Variants in NDST3 observed in about 807,000 individuals in gnomAD.
NDST3 encodes the protein N-deacetylase and N-sulfotransferase 3, also known as bifunctional heparan sulfate N-deacetylase/N-sulfotransferase 3.
Under a neutral mutation model 96.1 loss-of-function variants are expected in NDST3, and 58 were observed. The ratio of observed to expected loss-of-function variants is 0.60; its 90% CI spans 0.49 to 0.75. The LOEUF (loss-of-function observed/expected upper bound fraction) is 0.75, where lower values mean the gene tolerates loss of function less well. Ranked by LOEUF, NDST3 falls within the 30% of genes least tolerant of loss-of-function variation. The pLI is 0.00. For synonymous variants in NDST3, 333 were observed against 359.7 expected (o/e 0.93, Z 0.84); for missense variants, 788 against 1,034.2 (o/e 0.76, Z 3.27).
At chr4:118,149,872 G>A (rs1280658341) in intron 6 of NDST3, among the ~76,000 whole-genome samples, 1 of 152,064 alleles carries the variant, frequency 6.6e-6, no homozygotes, top group Non-Finnish European at 1.5e-5. Context: ...TGCCCATTCA[G>A]TATGATATTG....
chr4:118,165,528 A>G (rs1043697185), intron 6 of NDST3, among the ~76,000 whole-genome samples: 2 of 152,032 alleles, frequency 1.3e-5, no homozygotes, highest in African/African-American at 2.4e-5. Flanking sequence ...CCAAAAATCA[A>G]TAAGAAAACA....
intron 6 of NDST3, among the ~76,000 whole-genome samples, chr4:118,161,123 G>C (rs943350772): frequency 6.6e-6 from 1 of 152,218 alleles, no homozygotes; most frequent in Admixed American, 6.5e-5. Flanking sequence ...GTTGGAGTTT[G>C]CTAGAGGTCC....
chr4:118,171,523 C>T (rs1398991174), intron 6 of NDST3, among the ~76,000 whole-genome samples: 1 of 152,040 alleles, frequency 6.6e-6, no homozygotes, highest in Non-Finnish European at 1.5e-5. Context: ...TGTCTGGTTG[C>T]TTAGGCTAAT....
At chr4:118,229,491 C>A (rs868471785) in intron 8 of NDST3, among the ~76,000 whole-genome samples, 11 of 151,936 alleles carry the variant, frequency 7.2e-5, no homozygotes, top group Admixed American at 2.6e-4. Flanking sequence ...TTATTCAGAC[C>A]CAAGAATATG....
intron 6 of NDST3, among the ~76,000 whole-genome samples, chr4:118,223,993 T>C (rs184758056): frequency 1.3e-5 from 2 of 152,270 alleles, no homozygotes; most frequent in African/African-American, 4.8e-5. Flanking sequence ...CAAATTTATT[T>C]TATTATAAAA....
chr4:118,054,320 T>G lies in NDST3; in HGVS notation c.410T>G (p.Leu137Ter), dbSNP rs1044188214. The G allele has an allele frequency of 6.2e-7, 1 of 1,608,494 alleles. No homozygotes were observed. Among genetic ancestry groups the G allele is most frequent in the Non-Finnish European group, 8.5e-7 (1 of 1,176,504 alleles). The change falls in exon 2 of 14, where the codon TTA becomes TGA. Residue 137 changes from leucine to a stop codon, truncating the protein, a stop_gained. Transcript: ENST00000296499. LOFTEE classifies it high-confidence loss of function. Reference sequence around the variant, plus strand: ...ATTCTCATTATTTATGAGAATATTTTAAAGTATATAAATATGGATTCCTGG... The same window carrying G: ...ATTCTCATTATTTATGAGAATATTTGAAAGTATATAAATATGGATTCCTGG... ...KYILIIYENI[L>*]KYINMDSWNR...
intron 6 of NDST3, among the ~76,000 whole-genome samples, chr4:118,166,892 T>A (rs1016247621): frequency 6.6e-6 from 1 of 151,734 alleles, no homozygotes; most frequent in Non-Finnish European, 1.5e-5. Context: ...TAAAAGGAAA[T>A]TACCTCAACG....
At chr4:118,202,250 T>G (rs1258128209) in intron 6 of NDST3, among the ~76,000 whole-genome samples, 1 of 152,092 alleles carries the variant, frequency 6.6e-6, no homozygotes, top group East Asian at 1.9e-4. Flanking sequence ...GCCTTGAAGT[T>G]GGGTAATGTG....
chr4:118,165,612 T>C (rs774421548), intron 6 of NDST3, among the ~76,000 whole-genome samples: 26 of 152,034 alleles, frequency 1.7e-4, no homozygotes, highest in Non-Finnish European at 2.8e-4. Flanking sequence ...AGCAGCAGAA[T>C]GCACATGCTT....
chr4:118,236,518 A>T (rs1740656711), intron 9 of NDST3, among the ~76,000 whole-genome samples: 2 of 152,244 alleles, frequency 1.3e-5, no homozygotes, highest in Admixed American at 6.5e-5. Context: ...GCAAATAAGC[A>T]ATATTTATAC....
At position 118,256,150 on chromosome 4, in the gene NDST3, T is replaced by G. The variant is rs1742113442; in HGVS notation, c.*438T>G. The G allele has an allele frequency of 6.6e-6, 1 of 152,282 alleles. No individual in the cohort carries two copies. Among genetic ancestry groups the G allele is most frequent in the Non-Finnish European group, 1.5e-5 (1 of 68,112 alleles). 9.4% of individuals were successfully genotyped at this position (152,282 alleles called of 1,614,324 possible). A position where few individuals can be genotyped will look rare whatever the true frequency, so the allele number is the denominator to read the frequency against. ...GTGTCCTATGAAACAAGAAGCAAAATAAACATCACAATGTAGCATAAAATG... is the reference window on the plus strand; with the variant it reads ...GTGTCCTATGAAACAAGAAGCAAAAGAAACATCACAATGTAGCATAAAATG... On this transcript the variant is annotated 3_prime_UTR_variant, in exon 14 of 14. Transcript: ENST00000296499.
At chr4:118,253,430 C>A in intron 12 of NDST3, 69 bp from the exon 13 acceptor site, 3 of 965,396 alleles carry the variant, frequency 3.1e-6, no homozygotes, top group South Asian at 1.4e-5. Flanking sequence ...ATGTATTGGT[C>A]ACCATATCAT....
At chr4:118,210,178 C>T (rs976058588) in intron 6 of NDST3, among the ~76,000 whole-genome samples, 22 of 152,042 alleles carry the variant, frequency 1.4e-4, no homozygotes, top group African/African-American at 4.8e-4. Flanking sequence ...CCTCTATCCA[C>T]GGGAGAACAG....
Position 118,054,687 on chromosome 4 carries a change from T to C in NDST3, c.777T>C (p.His259=), listed in dbSNP as rs746987955. 1 of 1,613,362 alleles carries C rather than the reference T, an allele frequency of 6.2e-7. No individual in the cohort carries two copies. The highest frequency in any genetic ancestry group is 8.5e-7 in the Non-Finnish European group (1 of 1,179,502). Residue 259 remains histidine, a synonymous_variant, in exon 2 of 14, where the codon CAT becomes CAC. Transcript: ENST00000296499. ...GTGCTTTTTATGCCACTATTATACA[T>C]GACCTGGGGCTTCATGATGGAATTC... ...SKGAFYATII[H]DLGLHDGIQR...
At position 118,133,912 on chromosome 4, in the gene NDST3, T is replaced by C. The variant is rs182226057; in HGVS notation, c.1225-4142T>C. Among the ~76,000 whole-genome samples, 165 of 152,306 alleles carry C rather than the reference T, an allele frequency of 1.1e-3. 1 individual carries two copies. Among genetic ancestry groups the C allele is most frequent in the Non-Finnish European group, 1.1e-3 (78 of 68,032 alleles). ...CGCAGTGGATAAAATGGAACCTAAA[T>C]TTCATGAACCTTATTGTTTAATGAA... On this transcript the variant is annotated intron_variant, in intron 4 of 13. Transcript: ENST00000296499.
chr4:118,139,099 G>A (rs1733357973), intron 5 of NDST3, among the ~76,000 whole-genome samples: 1 of 152,132 alleles, frequency 6.6e-6, no homozygotes, highest in Non-Finnish European at 1.5e-5. Context: ...ATTACAGAGT[G>A]GATAGACATA....
chr4:118,210,921 C>T (rs1738748615), intron 6 of NDST3, among the ~76,000 whole-genome samples: 1 of 152,112 alleles, frequency 6.6e-6, no homozygotes, highest in African/African-American at 2.4e-5. Flanking sequence ...TAAACATATG[C>T]ATATGACAGT....
rs1410530408 is a variant in NDST3, at chr4:118,257,645, C to T, written c.*1933C>T. 1.3e-5 allele frequency: 2 copies of T among 152,098 alleles called. No individual in the cohort carries two copies. The highest frequency in any genetic ancestry group is 1.3e-4 in the Admixed American group (2 of 15,262). 9.4% of individuals were successfully genotyped at this position (152,098 alleles called of 1,614,324 possible). ...GAAAATGAATTGTGAGATCCACTTA[C>T]TATAAATTTTTAACTGTACATTATA... On this transcript the variant is annotated 3_prime_UTR_variant, in exon 14 of 14. Coordinates refer to ENST00000296499, the MANE Select transcript of NDST3 (RefSeq NM_004784.3).
intron 9 of NDST3, among the ~76,000 whole-genome samples, chr4:118,235,404 T>C (rs767089515): frequency 7.1e-4 from 108 of 152,220 alleles, no homozygotes; most frequent in Non-Finnish European, 9.3e-4. Flanking sequence ...TGCGGACATA[T>C]AGGCAAACAA....
Sources: gnomAD v4.1 joint callset for allele counts (sites outside exome capture counted in the v4.1 genomes callset) on GRCh38, gnomAD v4.1.1 for gene constraint, MANE v1.5 for transcripts, NCBI Gene and HGNC (gene_info 2026-07-23, HGNC 2026-07-21) for gene names.